Variants in SIPA1L3 observed in about 807,000 individuals in gnomAD.
SIPA1L3 encodes the protein signal-induced proliferation-associated 1-like protein 3.
SIPA1L3 carries 59 observed loss-of-function variants against 150.1 expected under a neutral mutation model. The observed-to-expected ratio is 0.39, with a 90% CI of 0.32 to 0.49. The LOEUF (loss-of-function observed/expected upper bound fraction) is 0.49, where lower values mean the gene tolerates loss of function less well. Ranked by LOEUF, SIPA1L3 falls within the 20% of genes least tolerant of loss-of-function variation. The pLI, the probability that SIPA1L3 is intolerant of heterozygous loss-of-function variation, is 0.86. For synonymous variants in SIPA1L3, 1,070 were observed against 1,077.6 expected (o/e 0.99, Z 0.14); for missense variants, 2,211 against 2,489.5 (o/e 0.89, Z 2.38).
rs1438745333 is a variant in SIPA1L3, at chr19:37,921,114, C to G, written c.-379+13756C>G. Among the ~76,000 whole-genome samples, 4 of 152,170 alleles carry G rather than the reference C, an allele frequency of 2.6e-5. No homozygotes were observed. The East Asian group carries it at 7.7e-4, about 29-fold the overall frequency. On this transcript the variant is annotated intron_variant, in intron 1 of 21. Coordinates refer to ENST00000222345, the MANE Select transcript of SIPA1L3 (RefSeq NM_015073.3). Reference sequence around the variant, plus strand: ...CGCGGCAGGAGGCAGGAAACGTGCCCCTTTCCAGTTCTGACTCTGGACAAA... The same window carrying G: ...CGCGGCAGGAGGCAGGAAACGTGCCGCTTTCCAGTTCTGACTCTGGACAAA...
At position 38,141,487 on chromosome 19, in the gene SIPA1L3, C is replaced by G. The variant is rs1249419302; in HGVS notation, c.3395+52C>G. ...CTTCCCAACCCCCACCAGCCCACAC[C>G]CATCCTCCGCCCCTCCCTCTCCTCA... On this transcript the variant is annotated intron_variant, in intron 11 of 21. Transcript: ENST00000222345. The G allele has an allele frequency of 2.6e-6, 4 of 1,543,880 alleles. No individual in the cohort carries two copies. In the Admixed American group the frequency reaches 5.4e-5, roughly 21 times the overall value.
At chr19:37,973,058 G>A (rs191930471) in intron 1 of SIPA1L3, among the ~76,000 whole-genome samples, 15 of 151,782 alleles carry the variant, frequency 9.9e-5, no homozygotes, top group South Asian at 2.1e-4. Flanking sequence ...TAGGGGTTCC[G>A]TTATTAAAGG....
At chr19:37,934,291 A>G (rs960838625) in intron 1 of SIPA1L3, among the ~76,000 whole-genome samples, 4 of 152,170 alleles carry the variant, frequency 2.6e-5, no homozygotes, top group Admixed American at 2.6e-4. Flanking sequence ...ACATCATCGC[A>G]TGTCAGGACC....
At chr19:38,151,306 C>A (rs1971817421) in intron 12 of SIPA1L3, among the ~76,000 whole-genome samples, 1 of 152,240 alleles carries the variant, frequency 6.6e-6, no homozygotes, top group African/African-American at 2.4e-5. Flanking sequence ...TATTTCTCAG[C>A]CCCTCCGCAG....
At chr19:37,943,255 A>G (rs2046679065) in intron 1 of SIPA1L3, among the ~76,000 whole-genome samples, 1 of 152,038 alleles carries the variant, frequency 6.6e-6, no homozygotes, top group African/African-American at 2.4e-5. Flanking sequence ...ACCCCGAAGA[A>G]ACTGAGGCCC....
At chr19:38,065,159 A>G (rs986113075) in intron 2 of SIPA1L3, among the ~76,000 whole-genome samples, 2 of 152,198 alleles carry the variant, frequency 1.3e-5, no homozygotes, top group Non-Finnish European at 2.9e-5. Context: ...TACAGCCTCT[A>G]TTTCCCTGGG....
At chr19:38,120,909 C>T (rs539652218) in intron 9 of SIPA1L3, among the ~76,000 whole-genome samples, 52 of 152,330 alleles carry the variant, frequency 3.4e-4, no homozygotes, top group African/African-American at 1.1e-3. Flanking sequence ...GCATATAACA[C>T]GGCAGTTCAG....
intron 3 of SIPA1L3, among the ~76,000 whole-genome samples, chr19:38,087,509 A>G (rs891723647): frequency 2.0e-5 from 3 of 152,198 alleles, no homozygotes; most frequent in Admixed American, 6.5e-5. Context: ...TGGTGGGTAG[A>G]TGCTAACTTT....
At chr19:38,120,024 A>G in intron 9 of SIPA1L3, 142 bp downstream of exon 9, 1 of 617,622 alleles carries the variant, frequency 1.6e-6, no homozygotes, top group East Asian at 2.8e-5. Context: ...TACAAACTAG[A>G]CATCTTGTGG....
intron 3 of SIPA1L3, among the ~76,000 whole-genome samples, chr19:38,085,830 A>G (rs1383450675): frequency 6.6e-6 from 1 of 152,140 alleles, no homozygotes; most frequent in Admixed American, 6.5e-5. Context: ...CCCTGTCTCC[A>G]CTAAAAAATA....
At chr19:38,026,133 C>T (rs1968504388) in intron 1 of SIPA1L3, among the ~76,000 whole-genome samples, 1 of 152,174 alleles carries the variant, frequency 6.6e-6, no homozygotes, top group Non-Finnish European at 1.5e-5. Context: ...GGAATGGTTT[C>T]AGGCAAGGCT....
At chr19:37,957,322 G>A (rs959301633) in intron 1 of SIPA1L3, among the ~76,000 whole-genome samples, 1 of 152,182 alleles carries the variant, frequency 6.6e-6, no homozygotes, top group African/African-American at 2.4e-5. Flanking sequence ...AAAGCCTGCT[G>A]GGATTTGATA....
At chr19:38,050,344 T>G (rs1270373250) in intron 2 of SIPA1L3, among the ~76,000 whole-genome samples, 2 of 152,024 alleles carry the variant, frequency 1.3e-5, no homozygotes, top group Non-Finnish European at 2.9e-5. Context: ...TAATCCCAGC[T>G]ACTCAGGAGG....
intron 18 of SIPA1L3, among the ~76,000 whole-genome samples, chr19:38,197,880 C>G (rs1003528275): frequency 6.0e-5 from 9 of 150,408 alleles, no homozygotes; most frequent in Admixed American, 6.6e-5. Flanking sequence ...AAATCCCCCC[C>G]CAAACACACA....
chr19:37,929,749 G>GTGC (rs1568467573), intron 1 of SIPA1L3, among the ~76,000 whole-genome samples: 1 of 152,160 alleles, frequency 6.6e-6, no homozygotes, highest in African/African-American at 2.4e-5. Flanking sequence ...TGCCAGTCAA[G>GTGC]TGCTTACCCC....
At chr19:38,062,862 C>G (rs939925056) in intron 2 of SIPA1L3, among the ~76,000 whole-genome samples, 1 of 152,138 alleles carries the variant, frequency 6.6e-6, no homozygotes, top group African/African-American at 2.4e-5. Context: ...CTCAGGTGAT[C>G]CGCCTGCCGT....
chr19:38,087,403 G>C (rs929425444), intron 3 of SIPA1L3, among the ~76,000 whole-genome samples: 4 of 152,152 alleles, frequency 2.6e-5, no homozygotes, highest in African/African-American at 9.7e-5. Flanking sequence ...TTACCACACA[G>C]TATTTTGCCC....
chr19:37,977,809 G>A (rs187500864), intron 1 of SIPA1L3, among the ~76,000 whole-genome samples: 103 of 152,228 alleles, frequency 6.8e-4, no homozygotes, highest in African/African-American at 2.3e-3. Flanking sequence ...TGATTTGCAC[G>A]GTCTCCTCCT....
At chr19:38,151,629 C>T (rs745924925) in intron 12 of SIPA1L3, among the ~76,000 whole-genome samples, 10 of 152,042 alleles carry the variant, frequency 6.6e-5, no homozygotes, top group East Asian at 1.9e-4. Context: ...GAGGACTGGA[C>T]GTTAGGAAGT....
Sources: allele counts gnomAD v4.1 joint callset (sites outside exome capture counted in the v4.1 genomes callset), GRCh38; gene constraint gnomAD v4.1.1; transcripts MANE v1.5; gene names NCBI Gene and HGNC (gene_info 2026-07-23, HGNC 2026-07-21).